The following DHRS12 variants were observed in gnomAD, a reference collection of about 807,000 sequenced individuals.
DHRS12 encodes the protein dehydrogenase/reductase SDR family member 12.
DHRS12 carries 29 observed loss-of-function variants against 32.1 expected under a neutral mutation model. That is an observed-to-expected ratio of 0.90 (90% CI 0.67 to 1.23). The LOEUF (loss-of-function observed/expected upper bound fraction) is 1.23, where lower values mean the gene tolerates loss of function less well. Ranked by LOEUF, DHRS12 falls within the 50% of genes most tolerant of loss-of-function variation. The pLI is 0.00. For synonymous variants in DHRS12, 150 were observed against 135.9 expected, an observed-to-expected ratio of 1.10 and a Z score of -0.72; for missense variants, 330 against 337.2, an observed-to-expected ratio of 0.98 and a Z score of 0.17.
intron 7 of DHRS12, chr13:51,771,150 G>C: frequency 6.5e-7 from 1 of 1,526,788 alleles, no homozygotes; most frequent in East Asian, 2.5e-5. Flanking sequence ...GAGGCTTGAG[G>C]ACAAATGCGT....
rs1194108746 is a variant in DHRS12, at chr13:51,782,399, G to A, written c.302-5278C>T. 7.2e-5 allele frequency among the ~76,000 whole-genome samples: 11 copies of A among 152,200 alleles called. No individual in the cohort carries two copies. The highest frequency in any genetic ancestry group is 1.9e-4 in the African/African-American group (8 of 41,440). ...GGAGGTTGAGAAGGAGCCAACCTCC[G>A]AGGGTGGAATCACAGGTGGCTTGGA... On this transcript the variant is annotated intron_variant, in intron 4 of 8. Transcript: ENST00000444610. This position sits in a 1 kb window ranked among gnomAD's most constrained non-coding sequence, Gnocchi z 4.2.
rs113852029 is a variant in DHRS12 at position 51,782,307 on chromosome 13, G to A, written c.302-5186C>T. Among the ~76,000 whole-genome samples, 4,971 of 152,208 alleles carry A rather than the reference G, an allele frequency of 0.033. 120 individuals carry two copies. The highest frequency in any genetic ancestry group is 0.049 in the Non-Finnish European group (3,323 of 68,000). On this transcript the variant is annotated intron_variant, in intron 4 of 8. Transcript: ENST00000444610. This position sits in a 1 kb window ranked among gnomAD's most constrained non-coding sequence, Gnocchi z 4.2. Reference sequence around the variant, plus strand: ...CAGAGAGTGTGGGAGGAGAAAGGAGGGCACAGGATTGGTCTGGGAGGGATG... The same window carrying A: ...CAGAGAGTGTGGGAGGAGAAAGGAGAGCACAGGATTGGTCTGGGAGGGATG...
intron 4 of DHRS12, among the ~76,000 whole-genome samples, chr13:51,789,381 C>A (rs1460997627): frequency 2.0e-5 from 3 of 152,210 alleles, no homozygotes; most frequent in Admixed American, 2.0e-4. Flanking sequence ...CTTTAGTGTG[C>A]ACCAGAATCA....
At chr13:51,794,519 G>GT (rs1034991389) in intron 2 of DHRS12, among the ~76,000 whole-genome samples, 3 of 152,162 alleles carry the variant, frequency 2.0e-5, no homozygotes, top group Non-Finnish European at 4.4e-5. Context: ...GTCGAAACCC[G>GT]TTTTTTATCA....
chr13:51,799,322 G>T (rs534050796), intron 2 of DHRS12, among the ~76,000 whole-genome samples: 1 of 152,132 alleles, frequency 6.6e-6, no homozygotes, highest in African/African-American at 2.4e-5. Flanking sequence ...CCCCAAGCTC[G>T]CCTGAGAATT....
chr13:51,778,561 C>T (rs1954553122), intron 4 of DHRS12, among the ~76,000 whole-genome samples: 2 of 152,144 alleles, frequency 1.3e-5, no homozygotes, highest in Admixed American at 6.5e-5. Context: ...AGCGATCTGC[C>T]GCATCAGCTT....
intron 1 of DHRS12, among the ~76,000 whole-genome samples, chr13:51,800,726 G>A (rs914116984): frequency 1.3e-5 from 2 of 152,254 alleles, no homozygotes; most frequent in Non-Finnish European, 2.9e-5. Flanking sequence ...GTGGCCAAAG[G>A]ATGTTTATGA....
chr13:51,789,385 A>G, intron 4 of DHRS12: 1 of 247,444 alleles, frequency 4.0e-6, no homozygotes, highest in Non-Finnish European at 6.4e-6. Flanking sequence ...AGTGTGCACC[A>G]GAATCATCCA....
chr13:51,768,228 GT>G lies in DHRS12; in HGVS notation c.765del (p.Lys255AsnfsTer40). 1 of 1,536,112 alleles carries G rather than the reference GT, an allele frequency of 6.5e-7. No homozygotes were observed. ...GCCAGCTGTTCCAGGATTTCAATGAGTTTCTCCTCTTCGGCCGGTGAGGAGG... is the reference window on the plus strand; with the variant it reads ...GCCAGCTGTTCCAGGATTTCAATGAGTTCTCCTCTTCGGCCGGTGAGGAGG... ...TASSSPAEEE[K>X]LIEILEQLAQ... On this transcript the variant is annotated frameshift_variant, in exon 9 of 9. Coordinates refer to ENST00000444610, the MANE Select transcript of DHRS12 (RefSeq NM_001377533.1). LOFTEE classifies it high-confidence loss of function.
At chr13:51,770,333 C>T (rs1953954232) in intron 7 of DHRS12, among the ~76,000 whole-genome samples, 1 of 152,192 alleles carries the variant, frequency 6.6e-6, no homozygotes, top group African/African-American at 2.4e-5. Flanking sequence ...CTGAGAGCTG[C>T]TCTGTAACCT....
chr13:51,756,863 G>A, the DHRS12 span, among the ~76,000 whole-genome samples: 3 of 152,206 alleles, frequency 2.0e-5, no homozygotes, highest in Admixed American at 6.5e-5. Flanking sequence ...CATTTTCCGG[G>A]AAGAGCTAAG....
intron 4 of DHRS12, among the ~76,000 whole-genome samples, chr13:51,788,920 G>A (rs550811997): frequency 2.0e-5 from 3 of 152,008 alleles, no homozygotes; most frequent in Admixed American, 6.6e-5. Flanking sequence ...GCTCAGTTCT[G>A]CTCCTCCCCT....
intron 8 of DHRS12, chr13:51,768,861 C>A: frequency 7.3e-7 from 1 of 1,361,576 alleles, no homozygotes; most frequent in Non-Finnish European, 9.4e-7. Flanking sequence ...CCCTCCTGGG[C>A]CTCAGCAAAC....
At chr13:51,757,104 C>T in the DHRS12 span, among the ~76,000 whole-genome samples, 1 of 152,194 alleles carries the variant, frequency 6.6e-6, no homozygotes, top group East Asian at 1.9e-4. Flanking sequence ...GGAGGATCTG[C>T]AGGGTAGCTT....
chr13:51,768,758 T>C (rs1158874139), intron 8 of DHRS12: 2 of 1,140,268 alleles, frequency 1.8e-6, no homozygotes, highest in African/African-American at 3.2e-5. Flanking sequence ...AGATCACTGC[T>C]TCCAAAAATA....
rs964144089 is a variant in DHRS12, at chr13:51,803,922, G to A, written c.-9+132C>T. 8 of 863,646 alleles carry A rather than the reference G, an allele frequency of 9.3e-6. No individual in the cohort carries two copies. In the Admixed American group the frequency reaches 1.4e-4, roughly 15 times the overall value. The allele number at this position is 863,646 out of a possible 1,614,324, so 53.5% of individuals were successfully genotyped here. Reference sequence around the variant, plus strand: ...TCGCTAGACGGCGGGCGCACCCGTCGTTCTGGACACGCTTAGTCGGCCCAG... The same window carrying A: ...TCGCTAGACGGCGGGCGCACCCGTCATTCTGGACACGCTTAGTCGGCCCAG... On this transcript the variant is annotated intron_variant, in intron 1 of 8. Coordinates refer to ENST00000444610, the MANE Select transcript of DHRS12 (RefSeq NM_001377533.1).
chr13:51,776,490 G>A (rs1338455647), intron 5 of DHRS12: 2 of 156,000 alleles, frequency 1.3e-5, no homozygotes, highest in Non-Finnish European at 2.9e-5. Context: ...TCATCCCAAG[G>A]CCTTGAACTG....
the DHRS12 span, among the ~76,000 whole-genome samples, chr13:51,759,309 G>GTTAATGGATTGAGTTAT: frequency 1.5e-3 from 226 of 152,344 alleles, no homozygotes; most frequent in African/African-American, 4.9e-3. Context: ...TTGGCGTCCA[G>GTTAATGGATTGAGTTAT]TTAATGGATT....
chr13:51,767,969 TAA>T, downstream of DHRS12: 1 of 1,355,906 alleles, frequency 7.4e-7, no homozygotes, highest in Non-Finnish European at 9.5e-7. Context: ...AGACTTAAAA[TAA>T]GAAAAGAACC....
Sources: allele counts gnomAD v4.1 joint callset (sites outside exome capture counted in the v4.1 genomes callset), GRCh38; gene constraint gnomAD v4.1.1; non-coding constraint Gnocchi (gnomAD v3.1); transcripts MANE v1.5; gene names NCBI Gene and HGNC (gene_info 2026-07-23, HGNC 2026-07-21).